AK5: variants seen among roughly 807,000 people sequenced by gnomAD.
AK5 encodes the protein adenylate kinase 5.
Under a neutral mutation model 69.5 loss-of-function variants are expected in AK5, and 27 were observed. The observed-to-expected ratio is 0.39, with a 90% CI of 0.29 to 0.54. The LOEUF is 0.54. Among genes scored for constraint, AK5 ranks in the 20% least tolerant of loss-of-function variants. The pLI, the probability that AK5 is intolerant of heterozygous loss-of-function variation, is 0.71. For synonymous variants in AK5, 260 were observed against 244.4 expected (o/e 1.06, Z -0.60); for missense variants, 531 against 700.4 (o/e 0.76, Z 2.73).
At chr1:77,548,183 G>A (rs1446118667) in intron 13 of AK5, among the ~76,000 whole-genome samples, 1 of 152,170 alleles carries the variant, frequency 6.6e-6, no homozygotes, top group Non-Finnish European at 1.5e-5. Flanking sequence ...GGCCATTAAT[G>A]TGCTGATTAT....
At chr1:77,429,265 T>C (rs898313837) in intron 8 of AK5, among the ~76,000 whole-genome samples, 1 of 152,210 alleles carries the variant, frequency 6.6e-6, no homozygotes, top group African/African-American at 2.4e-5. Context: ...CAGCACCTGT[T>C]GTTTCCTGAC....
chr1:77,368,302 A>ATGTT (rs1491255131), intron 6 of AK5, among the ~76,000 whole-genome samples: 4 of 98,158 alleles, frequency 4.1e-5, no homozygotes, highest in Non-Finnish European at 6.1e-5. Flanking sequence ...TGTTATATAT[A>ATGTT]ATATATATGT....
intron 10 of AK5, among the ~76,000 whole-genome samples, chr1:77,506,769 C>T (rs978124318): frequency 1.3e-5 from 2 of 152,220 alleles, no homozygotes; most frequent in African/African-American, 4.8e-5. Flanking sequence ...GAGGCTGAAG[C>T]GGGCAGATCA....
chr1:77,388,053 A>G (rs1207270473), intron 6 of AK5, among the ~76,000 whole-genome samples: 1 of 152,184 alleles, frequency 6.6e-6, no homozygotes, highest in African/African-American at 2.4e-5. Flanking sequence ...GACAAGCATT[A>G]CTGTTTCTTG....
At chr1:77,532,546 A>T (rs760437721) in intron 12 of AK5, among the ~76,000 whole-genome samples, 1 of 152,166 alleles carries the variant, frequency 6.6e-6, no homozygotes. Flanking sequence ...TGGGAAGGTT[A>T]ACCTCTGAGG....
intron 7 of AK5, 44 bp from the exon 8 acceptor site, chr1:77,417,595 C>T (rs1212008355): frequency 1.6e-6 from 2 of 1,213,888 alleles, no homozygotes; most frequent in Non-Finnish European, 2.4e-6. Context: ...TAGAAACATA[C>T]ATAGACAACC....
At chr1:77,293,141 T>A (rs1271686499) in intron 2 of AK5, among the ~76,000 whole-genome samples, 1 of 152,200 alleles carries the variant, frequency 6.6e-6, no homozygotes, top group African/African-American at 2.4e-5. Context: ...TGTTACAAGA[T>A]ATTCCAATTG....
Position 77,536,134 on chromosome 1 carries a change from ATCTGGGAATTAGAAC to A in AK5, c.1620+101_1620+115del, listed in dbSNP as rs1658953806. On this transcript the variant is annotated intron_variant, in intron 13 of 13. Coordinates refer to ENST00000354567, the MANE Select transcript of AK5 (RefSeq NM_174858.3). Reference sequence around the variant, plus strand: ...AAGCTGAGAACATTTTAGTTAAGGGATCTGGGAATTAGAACTCTGTGCAGCTGCAGCACTGGGGCC... The same window carrying A: ...AAGCTGAGAACATTTTAGTTAAGGGATCTGTGCAGCTGCAGCACTGGGGCC... 4 of 1,341,418 alleles carry A rather than the reference ATCTGGGAATTAGAAC, an allele frequency of 3.0e-6. No homozygotes were observed. In the South Asian group the frequency reaches 6.1e-5, roughly 21 times the overall value. The allele number at this position is 1,341,418 out of a possible 1,614,324, so 83.1% of individuals were successfully genotyped here. A position where few individuals can be genotyped will look rare whatever the true frequency, so the allele number is the denominator to read the frequency against.
intron 13 of AK5, among the ~76,000 whole-genome samples, chr1:77,543,304 G>A (rs1659373309): frequency 1.3e-5 from 2 of 152,144 alleles, no homozygotes; most frequent in African/African-American, 4.8e-5. Flanking sequence ...ACAAGTAAAG[G>A]AAAACCCAAA....
intron 6 of AK5, among the ~76,000 whole-genome samples, chr1:77,367,779 A>ATT (rs1557533869): frequency 1.9e-4 from 2 of 10,450 alleles, no homozygotes; most frequent in African/African-American, 2.4e-4. Flanking sequence ...TGTTATATAT[A>ATT]ATATATGTTA....
At chr1:77,320,282 A>C (rs75563912) in intron 5 of AK5, among the ~76,000 whole-genome samples, 117 of 152,232 alleles carry the variant, frequency 7.7e-4, no homozygotes, top group Non-Finnish European at 1.4e-3. Context: ...TGGGAACTAC[A>C]ATTCAAGATG....
chr1:77,514,321 G>A (rs898987738), intron 10 of AK5, among the ~76,000 whole-genome samples: 4 of 152,262 alleles, frequency 2.6e-5, no homozygotes, highest in South Asian at 2.1e-4. Context: ...GTCATCAGTC[G>A]TCTTGCCACC....
chr1:77,471,652 C>G (rs2100696682), intron 8 of AK5, among the ~76,000 whole-genome samples: 1 of 152,238 alleles, frequency 6.6e-6, no homozygotes, highest in Non-Finnish European at 1.5e-5. Context: ...ATATCCAATG[C>G]AAAGGAAGTA....
intron 8 of AK5, among the ~76,000 whole-genome samples, chr1:77,456,703 A>T (rs1165657463): frequency 1.3e-5 from 2 of 152,184 alleles, no homozygotes; most frequent in African/African-American, 4.8e-5. Context: ...TGGTCACCCT[A>T]GTTCCAAAGA....
intron 12 of AK5, among the ~76,000 whole-genome samples, chr1:77,529,334 G>GTTTTTTTTTT (rs935476152): frequency 2.2e-5 from 3 of 138,032 alleles, no homozygotes; most frequent in African/African-American, 8.1e-5. Context: ...CGTTTTATAG[G>GTTTTTTTTTT]TTTTTTTTTT....
intron 5 of AK5, among the ~76,000 whole-genome samples, chr1:77,320,320 G>A (rs1167217): frequency 0.21 from 32,451 of 152,100 alleles, 3,698 homozygotes; most frequent in African/African-American, 0.26. Flanking sequence ...CAGCCAAACC[G>A]TATTGGAAGG....
At chr1:77,409,011 G>A (rs960942878) in intron 6 of AK5, among the ~76,000 whole-genome samples, 1 of 152,088 alleles carries the variant, frequency 6.6e-6, no homozygotes, top group African/African-American at 2.4e-5. Context: ...AGGACATGTG[G>A]TATTTGGTTT....
intron 13 of AK5, chr1:77,540,767 T>A (rs1659224616): frequency 6.6e-6 from 1 of 152,224 alleles, no homozygotes. Context: ...ATTGACCAAG[T>A]CTATTATTAT....
At chr1:77,314,558 T>C (rs1049192032) in intron 5 of AK5, 1 of 152,430 alleles carries the variant, frequency 6.6e-6, no homozygotes, top group Non-Finnish European at 1.5e-5. Context: ...CAGAATGATG[T>C]TTCAATACAT....
Sources: gnomAD v4.1 joint callset for allele counts (sites outside exome capture counted in the v4.1 genomes callset) on GRCh38, gnomAD v4.1.1 for gene constraint, MANE v1.5 for transcripts, NCBI Gene and HGNC (gene_info 2026-07-23, HGNC 2026-07-21) for gene names.